The following SPATA1 variants were observed in gnomAD, a reference collection of about 807,000 sequenced individuals.
SPATA1 encodes spermatogenesis-associated protein 1.
SPATA1 carries 57 observed loss-of-function variants against 59.6 expected under a neutral mutation model. The observed-to-expected ratio is 0.96, with a 90% CI of 0.77 to 1.19. The LOEUF is 1.19. Ranked by LOEUF, SPATA1 falls within the 50% of genes most tolerant of loss-of-function variation. The probability of loss-of-function intolerance (pLI) is 0.00; values close to 1 mark genes in which losing one functional copy is unlikely to be tolerated. For synonymous variants in SPATA1, 147 were observed against 163.9 expected (o/e 0.90, Z 0.79); for missense variants, 448 against 480.7 (o/e 0.93, Z 0.64).
intron 1 of SPATA1, among the ~76,000 whole-genome samples, chr1:84,512,869 C>A (rs994331560): frequency 2.0e-5 from 3 of 152,116 alleles, no homozygotes; most frequent in Non-Finnish European, 4.4e-5. Context: ...TTTTCCATTC[C>A]TGGCAGTAGA....
chr1:84,548,776 T>A lies in SPATA1; in HGVS notation c.947-10T>A. On this transcript the variant is annotated splice_polypyrimidine_tract_variant and intron_variant, in intron 10 of 12. Transcript: ENST00000490879. ...TTTTTTTTTTTTTTTTTTTTTTTTT[T>A]TTTTTATAGCCTACAATGGTTGGAA... 8.6e-7 allele frequency: 1 copy of A among 1,161,348 alleles called. No individual in the cohort carries two copies. The highest frequency in any genetic ancestry group is 1.1e-6 in the Non-Finnish European group (1 of 928,056). The allele number at this position is 1,161,348 out of a possible 1,614,324, so 71.9% of individuals were successfully genotyped here.
intron 8 of SPATA1, among the ~76,000 whole-genome samples, chr1:84,541,946 T>G (rs1284777029): frequency 6.6e-6 from 1 of 152,032 alleles, no homozygotes; most frequent in African/African-American, 2.4e-5. Context: ...TTTTTTTGTT[T>G]GTTTGTTTTT....
At chr1:84,552,844 T>C in intron 12 of SPATA1, 3 of 506,506 alleles carry the variant, frequency 5.9e-6, no homozygotes, top group Middle Eastern at 4.8e-4. Flanking sequence ...CACCAGTAGA[T>C]AAGCATGCTT....
At chr1:84,555,414 T>C (rs999453595), downstream of SPATA1, among the ~76,000 whole-genome samples, 1 of 152,230 alleles carries the variant, frequency 6.6e-6, no homozygotes, top group Non-Finnish European at 1.5e-5. Context: ...AAATGGTCCC[T>C]GACTTACAAT....
At chr1:84,553,023 T>G in intron 12 of SPATA1, 1 of 1,490,980 alleles carries the variant, frequency 6.7e-7, no homozygotes, top group Non-Finnish European at 9.0e-7. Context: ...TGAAAAGTAA[T>G]TCTTTTTATA....
intron 8 of SPATA1, among the ~76,000 whole-genome samples, chr1:84,538,365 A>G (rs913100435): frequency 2.0e-5 from 3 of 152,224 alleles, no homozygotes; most frequent in Admixed American, 6.5e-5. Flanking sequence ...GGCTGTGTCA[A>G]TTCTGGCTCC....
intron 4 of SPATA1, among the ~76,000 whole-genome samples, chr1:84,561,018 G>C (rs1443325235): frequency 6.6e-6 from 1 of 152,216 alleles, no homozygotes; most frequent in Non-Finnish European, 1.5e-5. Context: ...ATGGAACAAG[G>C]AGTAATTTCA....
At chr1:84,561,824 T>G (rs181925635) in intron 4 of SPATA1, among the ~76,000 whole-genome samples, 23 of 152,338 alleles carry the variant, frequency 1.5e-4, no homozygotes, top group Middle Eastern at 3.4e-3. Context: ...ATTTTTAAAT[T>G]AAGGTATGTA....
chr1:84,543,068 G>T (rs1052294662), intron 8 of SPATA1, among the ~76,000 whole-genome samples: 1 of 152,064 alleles, frequency 6.6e-6, no homozygotes, highest in Non-Finnish European at 1.5e-5. Flanking sequence ...TATAATAAAA[G>T]TTATGTGAAT....
intron 2 of SPATA1, 94 bp downstream of exon 2, chr1:84,516,489 G>C: frequency 1.4e-6 from 1 of 725,086 alleles, no homozygotes; most frequent in Non-Finnish European, 2.2e-6. Context: ...ATTATATAAA[G>C]TATTAGATAT....
Position 84,522,373 on chromosome 1 carries a change from A to G in SPATA1, c.144-17A>G. The G allele has an allele frequency of 1.5e-6, 2 of 1,357,832 alleles. No homozygotes were observed. The highest frequency in any genetic ancestry group is 5.2e-5 in the Admixed American group (2 of 38,496). The allele number at this position is 1,357,832 out of a possible 1,614,324, so 84.1% of individuals were successfully genotyped here. A position where few individuals can be genotyped will look rare whatever the true frequency, so the allele number is the denominator to read the frequency against. The stretch of plus-strand genomic sequence containing the variant: ...CTATTTCATTTTATATTATAAGGCA[A>G]TTTTATAATATTTCAGAGTATCTCC... On this transcript the variant is annotated splice_polypyrimidine_tract_variant and intron_variant, in intron 3 of 12. Coordinates refer to ENST00000490879, the Ensembl canonical transcript of SPATA1.
Position 84,525,717 on chromosome 1 carries a change from G to T in SPATA1, c.283G>T (p.Glu95Ter). ...CTAGGTGAAGGAAAAGCAAGAATCA[G>T]AACTGAAACTCAAATCATTTGCTCC... is the stretch of plus-strand genomic sequence containing the variant. Residue 95 changes from glutamate to a stop codon, truncating the protein, a stop_gained, in exon 5 of 13, where the codon GAA becomes TAA. Coordinates refer to ENST00000490879, the Ensembl canonical transcript of SPATA1. LOFTEE classifies it high-confidence loss of function. 6.3e-7 allele frequency: 1 copy of T among 1,594,662 alleles called. No individual in the cohort carries two copies. The highest frequency in any genetic ancestry group is 1.2e-5 in the South Asian group (1 of 86,490).
intron 1 of SPATA1, among the ~76,000 whole-genome samples, chr1:84,508,198 C>G (rs57245302): frequency 1.1e-4 from 17 of 151,468 alleles, no homozygotes; most frequent in African/African-American, 2.2e-4. Context: ...GCAGGAGATT[C>G]GCTTGAACCT....
chr1:84,553,128 T>C (rs922332986), exon 13 of SPATA1: 2 of 1,437,382 alleles, frequency 1.4e-6, no homozygotes, highest in Non-Finnish European at 1.9e-6. Flanking sequence ...CAATTAGGTA[T>C]GTTAATTTAA....
chr1:84,540,707 GCCTATA>G (rs1476512399), intron 8 of SPATA1, among the ~76,000 whole-genome samples: 1 of 152,210 alleles, frequency 6.6e-6, no homozygotes, highest in Non-Finnish European at 1.5e-5. Context: ...ATGAAGCTCA[GCCTATA>G]CTAGGAAAAG....
intron 2 of SPATA1, among the ~76,000 whole-genome samples, chr1:84,519,485 A>C (rs923620323): frequency 6.6e-6 from 1 of 152,024 alleles, no homozygotes; most frequent in African/African-American, 2.4e-5. Context: ...ATTTAGTTCA[A>C]GAAACAGTTT....
chr1:84,518,595 A>G (rs1682888641), intron 2 of SPATA1, among the ~76,000 whole-genome samples: 1 of 152,006 alleles, frequency 6.6e-6, no homozygotes, highest in Admixed American at 6.6e-5. Context: ...AAAATGGCCC[A>G]GAAGGTGCTG....
At chr1:84,514,180 T>C (rs1682697760) in intron 1 of SPATA1, among the ~76,000 whole-genome samples, 1 of 152,182 alleles carries the variant, frequency 6.6e-6, no homozygotes, top group Non-Finnish European at 1.5e-5. Context: ...TGTCTACTGA[T>C]GCTTGTATCT....
chr1:84,548,639 A>G, intron 10 of SPATA1, 147 bp from the exon 11 acceptor site: 1 of 987,682 alleles, frequency 1.0e-6, no homozygotes, highest in Non-Finnish European at 1.3e-6. Flanking sequence ...CTCAGTATAT[A>G]AAAAAAGGAG....
Sources: allele counts gnomAD v4.1 joint callset (sites outside exome capture counted in the v4.1 genomes callset), GRCh38; gene constraint gnomAD v4.1.1; transcripts MANE v1.5; gene names NCBI Gene and HGNC (gene_info 2026-07-23, HGNC 2026-07-21).